TTC3: variants seen among roughly 807,000 people sequenced by gnomAD.
TTC3 encodes E3 ubiquitin-protein ligase TTC3.
In TTC3, 180 loss-of-function variants were observed where a neutral mutation model predicts 249.6. The observed-to-expected ratio is 0.72, with a 90% confidence interval of 0.64 to 0.82. TTC3 has a LOEUF of 0.82. TTC3 is among the 40% of genes least tolerant of loss of function. The pLI, the probability that TTC3 is intolerant of heterozygous loss-of-function variation, is 0.00. For missense variants in TTC3, 2,061 were observed against 2,398.4 expected, an observed-to-expected ratio of 0.86 and a Z score of 2.94; for synonymous variants, 717 against 805.0, an observed-to-expected ratio of 0.89 and a Z score of 1.85.
chr21:37,087,439 G>A (rs111616543), intron 2 of TTC3, 38 bp downstream of exon 2: 43 of 1,609,374 alleles, frequency 2.7e-5, no homozygotes, highest in African/African-American at 2.1e-4. Context: ...TTGACATTGT[G>A]TATTGAAGGT....
At chr21:37,151,897 G>C in exon 26 of TTC3, 2 of 1,588,276 alleles carry the variant, frequency 1.3e-6, no homozygotes, top group Non-Finnish European at 1.7e-6. Context: ...TATCAGCCTA[G>C]AGAAACTAAG....
At chr21:37,150,222 C>A in intron 24 of TTC3, 52 bp downstream of exon 24, 2 of 1,243,506 alleles carry the variant, frequency 1.6e-6, no homozygotes, top group Non-Finnish European at 2.3e-6. Context: ...ATGTTTACAC[C>A]TTTTGAAACA....
chr21:37,195,917 T>C, exon 42 of TTC3: 1 of 1,614,240 alleles, frequency 6.2e-7, no homozygotes, highest in Admixed American at 1.7e-5. Flanking sequence ...AACGAAGCCC[T>C]GTGGCTGATC....
Position 37,182,758 on chromosome 21 carries a change from T to G in TTC3, c.4618-16T>G. 6.4e-7 allele frequency: 1 copy of G among 1,568,462 alleles called. No homozygotes were observed. The highest frequency in any genetic ancestry group is 8.6e-7 in the Non-Finnish European group (1 of 1,161,070). On this transcript the variant is annotated splice_polypyrimidine_tract_variant and intron_variant, in intron 35 of 45. Coordinates refer to ENST00000355666, the Ensembl canonical transcript of TTC3. ...ATATTTTGCCATTTATTTAAGTACT[T>G]TCTAAATGTTTTTAGATCTCAAAGA...
intron 41 of TTC3, 97 bp from the exon 42 acceptor site, chr21:37,195,578 G>C: frequency 6.7e-7 from 1 of 1,485,602 alleles, no homozygotes. Context: ...GAGCCTCTGC[G>C]CTGCGTTACT....
chr21:37,140,400 A>C (rs2078335268), intron 19 of TTC3, among the ~76,000 whole-genome samples, 161 bp from the exon 20 acceptor site: 1 of 152,170 alleles, frequency 6.6e-6, no homozygotes, highest in Non-Finnish European at 1.5e-5. Context: ...AAATTTATAT[A>C]ATTCCTAAGA....
chr21:37,115,283 T>C (rs1283674190), intron 11 of TTC3, among the ~76,000 whole-genome samples: 1 of 152,056 alleles, frequency 6.6e-6, no homozygotes, highest in Non-Finnish European at 1.5e-5. Context: ...TAGTGCAGAA[T>C]AGAGGGCCTC....
chr21:37,116,071 G>C (rs2147841995), intron 11 of TTC3, among the ~76,000 whole-genome samples: 1 of 152,266 alleles, frequency 6.6e-6, no homozygotes, highest in East Asian at 1.9e-4. Flanking sequence ...AGCTCCACAA[G>C]GAAAGATTTT....
rs149663658 is a variant in TTC3, at chr21:37,195,683, C to T, written c.5226C>T (p.Pro1742=). ...TGGTGTGTTCCTCACAGGTTCATCC[C>T]GAGTTACTCCCTGAGTCTTCAGGCG... Residue 1742 remains proline (P), a synonymous_variant, in exon 42 of 46, where the codon CCC becomes CCT. Transcript: ENST00000355666. The T allele has an allele frequency of 2.4e-4, 380 of 1,605,880 alleles. 1 individual carries two copies. Among genetic ancestry groups the T allele is most frequent in the Non-Finnish European group, 1.9e-4 (218 of 1,175,504 alleles).
chr21:37,161,216 T>C (rs906662920), intron 30 of TTC3, among the ~76,000 whole-genome samples: 1 of 152,172 alleles, frequency 6.6e-6, no homozygotes, highest in Non-Finnish European at 1.5e-5. Context: ...CCAGGATTGA[T>C]AGAATCCCTT....
intron 16 of TTC3, among the ~76,000 whole-genome samples, chr21:37,130,597 ACT>A (rs2147913521): frequency 6.6e-6 from 1 of 151,792 alleles, no homozygotes; most frequent in East Asian, 1.9e-4. Flanking sequence ...TATTAGAATG[ACT>A]CTGGCCTACA....
intron 6 of TTC3, 34 bp downstream of exon 6, chr21:37,090,320 T>TCATCCACA: frequency 6.4e-7 from 1 of 1,555,098 alleles, no homozygotes; most frequent in Non-Finnish European, 8.8e-7. Context: ...GCACAGCCAC[T>TCATCCACA]GTGGATGAGT....
In TTC3 at chr21:37,077,631, A is replaced by G. The variant is rs552012228; in HGVS notation, c.-12+4267A>G. On this transcript the variant is annotated intron_variant, in intron 1 of 45. Coordinates refer to ENST00000355666, the Ensembl canonical transcript of TTC3. Reference sequence around the variant, plus strand: ...GTCAGACTTAATATTTGCCAATGGAATGGGTATGAAATGATGCATCATTGT... The same window carrying G: ...GTCAGACTTAATATTTGCCAATGGAGTGGGTATGAAATGATGCATCATTGT... Among the ~76,000 whole-genome samples the G allele has an allele frequency of 3.9e-5, 6 of 152,324 alleles. No individual in the cohort carries two copies. The South Asian group carries it at 1.2e-3, about 32-fold the overall frequency.
intron 28 of TTC3, chr21:37,157,260 A>T (rs1254871667): frequency 8.7e-7 from 1 of 1,155,956 alleles, no homozygotes; most frequent in Non-Finnish European, 1.2e-6. Flanking sequence ...TGGTCTGCAG[A>T]AGTAGGTGAT....
chr21:37,131,175 C>T (rs185438819), intron 16 of TTC3, among the ~76,000 whole-genome samples: 1 of 152,176 alleles, frequency 6.6e-6, no homozygotes, highest in East Asian at 1.9e-4. Context: ...TGAGTTTATG[C>T]TAATGAGGTG....
At chr21:37,091,185 G>C in intron 6 of TTC3, 108 bp from the exon 7 acceptor site, 1 of 1,227,062 alleles carries the variant, frequency 8.1e-7, no homozygotes, top group Non-Finnish European at 1.2e-6. Flanking sequence ...GGTTGTACCA[G>C]TTTTGTAGTA....
rs567441234 is a variant in TTC3, at chr21:37,156,953, G to GA, written c.2992+53dup. The GA allele has an allele frequency of 1.4e-4, 217 of 1,576,570 alleles. 1 individual carries two copies. The highest frequency in any genetic ancestry group is 3.0e-4 in the South Asian group (26 of 85,664). On this transcript the variant is annotated intron_variant, in intron 28 of 45. Coordinates refer to ENST00000355666, the Ensembl canonical transcript of TTC3. ...TTATATTACATTTAATCTTAAGGGG[G>GA]AAAAAATCTGTGAAGGACCTAGCTT... is the stretch of plus-strand genomic sequence containing the variant.
intron 11 of TTC3, among the ~76,000 whole-genome samples, chr21:37,119,777 A>G (rs118046763): frequency 8.8e-4 from 134 of 152,262 alleles, no homozygotes; most frequent in Non-Finnish European, 1.7e-3. Flanking sequence ...TGTTTTAGGT[A>G]GGAGGGAAAA....
chr21:37,192,753 T>C (rs919250181), intron 41 of TTC3, among the ~76,000 whole-genome samples: 1 of 152,220 alleles, frequency 6.6e-6, no homozygotes. Context: ...CGGCACATCA[T>C]ATTTTACTAT....
Sources: gnomAD v4.1 joint callset for allele counts (sites outside exome capture counted in the v4.1 genomes callset) on GRCh38, gnomAD v4.1.1 for gene constraint, MANE v1.5 for transcripts, NCBI Gene and HGNC (gene_info 2026-07-23, HGNC 2026-07-21) for gene names.